Variants in CYP46A1 observed in about 807,000 individuals in gnomAD.
CYP46A1 encodes the protein cytochrome P450 family 46 subfamily A member 1, also known as cholesterol 24-hydroxylase.
Under a neutral mutation model 63.3 loss-of-function variants are expected in CYP46A1, and 20 were observed. The ratio of observed to expected loss-of-function variants is 0.32; its 90% CI spans 0.22 to 0.46. The LOEUF is 0.46. CYP46A1 is among the 20% of genes least tolerant of loss of function. CYP46A1 has a pLI of 1.00. For synonymous variants in CYP46A1, 268 were observed against 273.6 expected, an observed-to-expected ratio of 0.98 and a Z score of 0.20; for missense variants, 445 against 670.8, an observed-to-expected ratio of 0.66 and a Z score of 3.72.
chr14:99,719,345 G>T (rs2056821870), intron 10 of CYP46A1, among the ~76,000 whole-genome samples: 2 of 151,696 alleles, frequency 1.3e-5, no homozygotes, highest in Non-Finnish European at 2.9e-5. Flanking sequence ...CAGAGTAGCT[G>T]GGATTACAGG....
chr14:99,710,044 A>G (rs756614506), intron 7 of CYP46A1: 3 of 152,216 alleles, frequency 2.0e-5, no homozygotes, highest in African/African-American at 7.2e-5. Flanking sequence ...GAGGTAAGTC[A>G]TCACTACTAG....
At chr14:99,718,195 C>A in intron 10 of CYP46A1, 69 bp downstream of exon 10, 1 of 1,360,820 alleles carries the variant, frequency 7.3e-7, no homozygotes, top group Non-Finnish European at 1.0e-6. Flanking sequence ...GCCACCTGCC[C>A]CCACCTCCCA....
chr14:99,725,666 G>C lies in CYP46A1; in HGVS notation c.1265+187G>C, dbSNP rs1229395044. On this transcript the variant is annotated intron_variant, in intron 13 of 14. Coordinates refer to ENST00000261835, the MANE Select transcript of CYP46A1 (RefSeq NM_006668.2). The surrounding 1 kb of genome is among the most constrained non-coding windows in gnomAD (Gnocchi z 4.2). ...TGCCCAAGTGGCAGAGCAGGGGTCT[G>C]GCCCCAGCTCAGTCTGGTTCTAAAG... is the stretch of plus-strand genomic sequence containing the variant. Among the ~76,000 whole-genome samples, 2 of 152,204 alleles carry C rather than the reference G, an allele frequency of 1.3e-5. No homozygotes were observed. Among genetic ancestry groups the C allele is most frequent in the Admixed American group, 1.3e-4 (2 of 15,284 alleles).
At chr14:99,724,223 C>A (rs2056874438) in intron 12 of CYP46A1, among the ~76,000 whole-genome samples, 1 of 143,680 alleles carries the variant, frequency 7.0e-6, no homozygotes, top group African/African-American at 2.5e-5. Context: ...GATTAGGACT[C>A]CAACATATGA....
intron 10 of CYP46A1, among the ~76,000 whole-genome samples, 178 bp from the exon 11 acceptor site, chr14:99,721,061 G>T (rs1229919198): frequency 6.6e-6 from 1 of 152,210 alleles, no homozygotes; most frequent in Non-Finnish European, 1.5e-5. Context: ...CTGCACTCCA[G>T]CCTGGGCGAC....
chr14:99,697,873 T>A (rs1487707883), intron 3 of CYP46A1, among the ~76,000 whole-genome samples: 1 of 152,054 alleles, frequency 6.6e-6, no homozygotes, highest in African/African-American at 2.4e-5. Context: ...TACTCTGCCT[T>A]AATGGTAGGG....
At chr14:99,693,750 T>G (rs1374072665) in intron 3 of CYP46A1, 1 of 152,218 alleles carries the variant, frequency 6.6e-6, no homozygotes, top group Non-Finnish European at 1.5e-5. Flanking sequence ...TGGAGTTTTA[T>G]TTGAGGGAAA....
chr14:99,695,354 G>C (rs1022278815), intron 3 of CYP46A1: 3 of 350,046 alleles, frequency 8.6e-6, no homozygotes, highest in South Asian at 6.7e-5. Context: ...CTAATTTTCT[G>C]TCTACTTGTT....
At chr14:99,706,898 G>A in intron 6 of CYP46A1, 113 bp downstream of exon 6, 2 of 1,294,108 alleles carry the variant, frequency 1.5e-6, no homozygotes, top group South Asian at 3.0e-5. Context: ...TAACATACCA[G>A]CAATTCCTCT....
chr14:99,719,810 G>T (rs1187400216), intron 10 of CYP46A1, among the ~76,000 whole-genome samples: 2 of 139,988 alleles, frequency 1.4e-5, no homozygotes, highest in African/African-American at 2.7e-5. Context: ...CGCCCAGGCT[G>T]CAGTGCAGTG....
At chr14:99,694,295 CTT>C (rs35121420) in intron 3 of CYP46A1, among the ~76,000 whole-genome samples, 22,429 of 136,906 alleles carry the variant, frequency 0.16, 1,787 homozygotes, top group Middle Eastern at 0.19. Context: ...GATTTTCTTT[CTT>C]TTTTTTTTTT....
chr14:99,709,737 T>C (rs1300610166), intron 7 of CYP46A1: 1 of 152,172 alleles, frequency 6.6e-6, no homozygotes, highest in African/African-American at 2.4e-5. Flanking sequence ...CTCAAAAATC[T>C]CCGAGTAGAT....
At chr14:99,702,510 T>C (rs1432524109) in intron 5 of CYP46A1, among the ~76,000 whole-genome samples, 1 of 152,282 alleles carries the variant, frequency 6.6e-6, no homozygotes, top group Admixed American at 6.5e-5. Context: ...TATTTTAACA[T>C]TGGAAAGAAG....
chr14:99,699,487 TACA>T lies in CYP46A1; in HGVS notation c.309_311del (p.Asn103del). 1 of 1,614,136 alleles carries T rather than the reference TACA, an allele frequency of 6.2e-7. No homozygotes were observed. Among genetic ancestry groups the T allele is most frequent in the South Asian group, 1.1e-5 (1 of 91,078 alleles). ...TTAGAAGTTCCTGATGTCAACCAAG[TACA>T]ACAAGGACTCCAAGATGTACCGTGC... On this transcript the variant is annotated inframe_deletion, in exon 4 of 15. Coordinates refer to ENST00000261835, the MANE Select transcript of CYP46A1 (RefSeq NM_006668.2).
intron 7 of CYP46A1, among the ~76,000 whole-genome samples, chr14:99,714,087 A>G (rs1202337385): frequency 6.6e-6 from 1 of 152,212 alleles, no homozygotes; most frequent in African/African-American, 2.4e-5. Flanking sequence ...ATCTGAATAG[A>G]CATTTCTCAA....
At position 99,716,992 on chromosome 14, in the gene CYP46A1, G is replaced by T. The variant is rs143855809; in HGVS notation, c.907+793G>T. 1.2e-3 allele frequency among the ~76,000 whole-genome samples: 185 copies of T among 152,290 alleles called. 1 individual carries two copies. The highest frequency in any genetic ancestry group is 4.3e-3 in the African/African-American group (178 of 41,558). On this transcript the variant is annotated intron_variant, in intron 9 of 14. Coordinates refer to ENST00000261835, the MANE Select transcript of CYP46A1 (RefSeq NM_006668.2). ...CTGCAGGTGAAAGGCATGGAGGAAG[G>T]CCCTTTAGGTGGGAGAAGCACTTGC...
At chr14:99,697,677 C>T (rs1057348540) in intron 3 of CYP46A1, among the ~76,000 whole-genome samples, 7 of 152,154 alleles carry the variant, frequency 4.6e-5, no homozygotes, top group Admixed American at 2.0e-4. Flanking sequence ...TTCTCCTTCC[C>T]GGGTGGAAGT....
intron 5 of CYP46A1, among the ~76,000 whole-genome samples, chr14:99,704,044 A>T (rs2056654288): frequency 6.6e-6 from 1 of 152,228 alleles, no homozygotes; most frequent in Non-Finnish European, 1.5e-5. Flanking sequence ...ATCATGACAT[A>T]ACCATGTCAT....
intron 3 of CYP46A1, among the ~76,000 whole-genome samples, chr14:99,692,130 G>A (rs766007659): frequency 6.6e-6 from 1 of 152,196 alleles, no homozygotes; most frequent in African/African-American, 2.4e-5. Flanking sequence ...GTGCACACAC[G>A]TTTAGTTTGC....
Sources: allele counts gnomAD v4.1 joint callset (sites outside exome capture counted in the v4.1 genomes callset), GRCh38; gene constraint gnomAD v4.1.1; non-coding constraint Gnocchi (gnomAD v3.1); transcripts MANE v1.5; gene names NCBI Gene and HGNC (gene_info 2026-07-23, HGNC 2026-07-21).